Variants in ZFTRAF1 observed in about 807,000 individuals in gnomAD.
ZFTRAF1 encodes zinc finger TRAF-type-containing protein 1.
At chr8:144,462,342 G>C in the ZFTRAF1 span, 1 of 510,386 alleles carries the variant, frequency 2.0e-6, no homozygotes, top group South Asian at 2.7e-5. Context: ...ACCGAGTAGA[G>C]CCGCTCCTCC....
At chr8:144,462,553 C>CGCCCCGGGCCCGGCTCCG in the ZFTRAF1 span, 1 of 148,522 alleles carries the variant, frequency 6.7e-6, no homozygotes, top group Non-Finnish European at 1.5e-5. Flanking sequence ...GCCCGGCGGC[C>CGCCCCGGGCCCGGCTCCG]GCCCCGGGCC....
chr8:144,460,912 A>G, the ZFTRAF1 span, among the ~76,000 whole-genome samples: 354 of 152,264 alleles, frequency 2.3e-3, 2 homozygotes, highest in African/African-American at 7.9e-3. Context: ...TCCGCCTGGG[A>G]GGATCGAAGG....
the ZFTRAF1 span, chr8:144,462,354 G>A: frequency 4.1e-6 from 2 of 492,950 alleles, no homozygotes; most frequent in Admixed American, 3.0e-5. Context: ...CGCTCCTCCA[G>A]TTTCCCGCTG....
chr8:144,461,714 C>T, the ZFTRAF1 span, among the ~76,000 whole-genome samples: 2 of 152,186 alleles, frequency 1.3e-5, no homozygotes, highest in Non-Finnish European at 2.9e-5. Context: ...ATCCCCTCTC[C>T]TTACTGTTCT....
the ZFTRAF1 span, among the ~76,000 whole-genome samples, chr8:144,459,991 C>A: frequency 6.6e-6 from 1 of 152,222 alleles, no homozygotes; most frequent in Non-Finnish European, 1.5e-5. Context: ...TGGGCCCAAC[C>A]AGGGACACGC....
At chr8:144,458,182 C>T in the ZFTRAF1 span, among the ~76,000 whole-genome samples, 3 of 152,220 alleles carry the variant, frequency 2.0e-5, no homozygotes, top group Non-Finnish European at 2.9e-5. Flanking sequence ...GGACTCGAAC[C>T]CTCCACCCAG....
the ZFTRAF1 span, among the ~76,000 whole-genome samples, chr8:144,461,720 G>C: frequency 6.6e-6 from 1 of 152,174 alleles, no homozygotes; most frequent in Non-Finnish European, 1.5e-5. Context: ...TCTCCTTACT[G>C]TTCTTCAGGA....
At chr8:144,451,205 C>T in the ZFTRAF1 span, 1 of 172,860 alleles carries the variant, frequency 5.8e-6, no homozygotes, top group Non-Finnish European at 1.3e-5. Context: ...GCACCCAGCC[C>T]TGCCCGAGGG....
chr8:144,453,605 T>G, the ZFTRAF1 span: 1 of 698,730 alleles, frequency 1.4e-6, no homozygotes. Flanking sequence ...CGAGTCGTGC[T>G]GGAGTGTGGT....
At chr8:144,450,197 G>A in the ZFTRAF1 span, 3 of 580,586 alleles carry the variant, frequency 5.2e-6, no homozygotes, top group Non-Finnish European at 6.2e-6. Context: ...GGGTCGGGGG[G>A]GTGAGCCGGA....
At chr8:144,462,348 C>A in the ZFTRAF1 span, 1 of 497,066 alleles carries the variant, frequency 2.0e-6, no homozygotes, top group Non-Finnish European at 3.6e-6. Context: ...TAGAGCCGCT[C>A]CTCCAGTTTC....
chr8:144,452,217 C>T, the ZFTRAF1 span: 2 of 944,786 alleles, frequency 2.1e-6, no homozygotes, highest in Non-Finnish European at 3.3e-6. Flanking sequence ...AGGTGTCCAC[C>T]TGTCCACCGG....
the ZFTRAF1 span, among the ~76,000 whole-genome samples, chr8:144,461,081 C>T: frequency 6.6e-6 from 1 of 152,116 alleles, no homozygotes; most frequent in Non-Finnish European, 1.5e-5. Flanking sequence ...GGGTTAGAGC[C>T]AGTGCCCTCT....
At chr8:144,451,016 C>A in the ZFTRAF1 span, 1 of 504,032 alleles carries the variant, frequency 2.0e-6, no homozygotes, top group Non-Finnish European at 3.6e-6. Flanking sequence ...AGAGGCTGCA[C>A]GTGTCAGGCC....
the ZFTRAF1 span, among the ~76,000 whole-genome samples, chr8:144,461,658 C>T: frequency 6.6e-6 from 1 of 152,134 alleles, no homozygotes; most frequent in Non-Finnish European, 1.5e-5. Flanking sequence ...GAGAAGGTAC[C>T]CAAACTGTGG....
At chr8:144,461,558 TAGGA>T in the ZFTRAF1 span, among the ~76,000 whole-genome samples, 5 of 152,000 alleles carry the variant, frequency 3.3e-5, no homozygotes, top group Non-Finnish European at 5.9e-5. Context: ...ACTGGCTGCC[TAGGA>T]AGCCTGGCCT....
At chr8:144,452,520 A>G in the ZFTRAF1 span, 2 of 1,542,176 alleles carry the variant, frequency 1.3e-6, no homozygotes, top group Non-Finnish European at 1.7e-6. Context: ...CAGCTCATGG[A>G]AGGGGCCGTG....
chr8:144,453,775 T>C, the ZFTRAF1 span: 1 of 299,222 alleles, frequency 3.3e-6, no homozygotes, highest in Non-Finnish European at 6.4e-6. Context: ...GCTTTTCCCT[T>C]AGGGACCAGC....
the ZFTRAF1 span, chr8:144,455,194 A>C: frequency 1.3e-5 from 2 of 152,216 alleles, no homozygotes; most frequent in African/African-American, 4.8e-5. Flanking sequence ...GAGCGCCTGT[A>C]ATCTCAGCTT....
Sources: allele counts gnomAD v4.1 joint callset (sites outside exome capture counted in the v4.1 genomes callset), GRCh38; gene constraint gnomAD v4.1.1; transcripts MANE v1.5; gene names NCBI Gene and HGNC (gene_info 2026-07-23, HGNC 2026-07-21).